Variants in TACC2 observed in about 807,000 individuals in gnomAD.
The protein encoded by TACC2 is transforming acidic coiled-coil-containing protein 2.
TACC2 carries 137 observed loss-of-function variants against 227.3 expected under a neutral mutation model. The observed-to-expected ratio is 0.60, with a 90% CI of 0.52 to 0.69. The LOEUF is 0.69. Ranked by LOEUF, TACC2 falls within the 30% of genes least tolerant of loss-of-function variation. The pLI is 0.00. For missense variants in TACC2, 3,470 were observed against 3,694.4 expected, an observed-to-expected ratio of 0.94 and a Z score of 1.57; for synonymous variants, 1,523 against 1,487.5, an observed-to-expected ratio of 1.02 and a Z score of -0.55.
At chr10:122,133,957 G>A (rs2088961296) in intron 6 of TACC2, among the ~76,000 whole-genome samples, 2 of 152,184 alleles carry the variant, frequency 1.3e-5, no homozygotes, top group South Asian at 4.1e-4. Context: ...CTGGGGGCTG[G>A]CCCGTGCTGA....
intron 7 of TACC2, among the ~76,000 whole-genome samples, chr10:122,158,381 C>T (rs1277300621): frequency 2.7e-5 from 4 of 150,800 alleles, no homozygotes; most frequent in African/African-American, 7.3e-5. Flanking sequence ...AGAGCGAGAG[C>T]GAGACTCCAT....
intron 7 of TACC2, among the ~76,000 whole-genome samples, chr10:122,146,229 G>T (rs1321249367): frequency 2.0e-5 from 3 of 151,990 alleles, no homozygotes; most frequent in Non-Finnish European, 2.9e-5. Context: ...AGATACAGAA[G>T]AGAATAGATA....
chr10:122,197,202 A>G (rs2094603045), intron 8 of TACC2, among the ~76,000 whole-genome samples: 1 of 152,198 alleles, frequency 6.6e-6, no homozygotes, highest in East Asian at 1.9e-4. Flanking sequence ...TGGAGGTTGC[A>G]GTGAGCCGAG....
chr10:122,179,692 A>G (rs1262187139), intron 7 of TACC2, among the ~76,000 whole-genome samples: 1 of 152,172 alleles, frequency 6.6e-6, no homozygotes, highest in African/African-American at 2.4e-5. Context: ...TGTAACCCCA[A>G]CACTTTAGGA....
At chr10:122,082,537 G>A (rs552012837) in intron 3 of TACC2, 110 bp from the exon 4 acceptor site, 2 of 1,209,204 alleles carry the variant, frequency 1.7e-6, no homozygotes, top group South Asian at 1.5e-5. Context: ...TGTGTCTGTG[G>A]TTAGGGCACT....
intron 9 of TACC2, among the ~76,000 whole-genome samples, chr10:122,212,758 T>A (rs1184527354): frequency 6.6e-6 from 1 of 152,220 alleles, no homozygotes; most frequent in Non-Finnish European, 1.5e-5. Context: ...GCAGGTTACC[T>A]TAGATCAACC....
chr10:122,204,232 G>A (rs983024653), intron 8 of TACC2, among the ~76,000 whole-genome samples: 2 of 151,916 alleles, frequency 1.3e-5, no homozygotes, highest in Admixed American at 6.6e-5. Context: ...GCCTTCTTTA[G>A]CTTTTAAAGA....
At chr10:122,088,077 T>C in intron 4 of TACC2, 118 bp downstream of exon 4, 3 of 1,118,568 alleles carry the variant, frequency 2.7e-6, no homozygotes, top group Non-Finnish European at 2.4e-6. Flanking sequence ...GAGTTTTCCA[T>C]ATCTAATTGC....
At chr10:122,203,843 G>A (rs1287302483) in intron 8 of TACC2, among the ~76,000 whole-genome samples, 1 of 152,040 alleles carries the variant, frequency 6.6e-6, no homozygotes, top group East Asian at 1.9e-4. Flanking sequence ...CCGAGATCAC[G>A]CCACTGCACT....
intron 1 of TACC2, among the ~76,000 whole-genome samples, chr10:122,013,027 C>A (rs1439013392): frequency 6.6e-6 from 1 of 152,124 alleles, no homozygotes; most frequent in East Asian, 1.9e-4. Context: ...CTTGCAGAGT[C>A]CCCCAACATC....
intron 8 of TACC2, among the ~76,000 whole-genome samples, chr10:122,201,946 C>T (rs573045399): frequency 1.3e-5 from 2 of 150,612 alleles, no homozygotes; most frequent in Admixed American, 1.3e-4. Context: ...ACTCTGCGCT[C>T]TTTGAAACTG....
intron 5 of TACC2, among the ~76,000 whole-genome samples, chr10:122,097,301 G>A (rs2081555883): frequency 6.6e-6 from 1 of 152,044 alleles, no homozygotes; most frequent in African/African-American, 2.4e-5. Context: ...TGTACTCCTG[G>A]GTACAGCCTG....
rs769355165 is a variant in TACC2 at position 122,211,195 on chromosome 10, C to T, written c.6770C>T (p.Pro2257Leu). 1.9e-6 allele frequency: 3 copies of T among 1,613,484 alleles called. No homozygotes were observed. In the Admixed American group the frequency reaches 5.0e-5, roughly 27 times the overall value. Residue 2257 changes from proline (P) to leucine (L), a missense_variant, in exon 9 of 23, where the codon CCA becomes CTA. Transcript: ENST00000369005. ...PSDSGGQEDSPAKGLSVRLEF... is the reference protein window; with the variant it reads ...PSDSGGQEDSLAKGLSVRLEF... ...GATAGCGGGGGGCAAGAGGACTCTCCAGCCAAAGGGCTCTCCGTAAGGCTG... is the reference window on the plus strand; with the variant it reads ...GATAGCGGGGGGCAAGAGGACTCTCTAGCCAAAGGGCTCTCCGTAAGGCTG...
At chr10:122,043,077 A>G (rs1352163563) in intron 2 of TACC2, among the ~76,000 whole-genome samples, 3 of 152,122 alleles carry the variant, frequency 2.0e-5, no homozygotes, top group Non-Finnish European at 2.9e-5. Context: ...TTATTGACGG[A>G]GAGAGAGAGG....
intron 7 of TACC2, among the ~76,000 whole-genome samples, chr10:122,176,825 G>C (rs984403722): frequency 6.6e-6 from 1 of 152,190 alleles, no homozygotes; most frequent in African/African-American, 2.4e-5. Flanking sequence ...GTATATGCCT[G>C]GGAGTCCCAC....
intron 2 of TACC2, among the ~76,000 whole-genome samples, chr10:122,028,976 C>CCTTCCCTTT (rs1225590824): frequency 1.6e-4 from 1 of 6,352 alleles, no homozygotes; most frequent in African/African-American, 1.3e-3. Flanking sequence ...CCCTTCCCTC[C>CCTTCCCTTT]CCTCCCCTCC....
At chr10:122,090,632 C>T (rs990454306) in intron 5 of TACC2, among the ~76,000 whole-genome samples, 3 of 150,674 alleles carry the variant, frequency 2.0e-5, no homozygotes, top group Admixed American at 6.6e-5. Flanking sequence ...ATTATTATTG[C>T]GTATTTTAGT....
intron 18 of TACC2, among the ~76,000 whole-genome samples, chr10:122,240,780 T>A (rs937827612): frequency 2.6e-5 from 4 of 152,200 alleles, no homozygotes; most frequent in Non-Finnish European, 4.4e-5. Flanking sequence ...TGATTCTTTT[T>A]GAGAAGTTTC....
Position 122,050,628 on chromosome 10 carries a change from C to A in TACC2, c.146+78C>A. 8.2e-7 allele frequency: 1 copy of A among 1,224,614 alleles called. No individual in the cohort carries two copies. Among genetic ancestry groups the A allele is most frequent in the Non-Finnish European group, 1.2e-6 (1 of 847,226 alleles). 75.9% of individuals were successfully genotyped at this position (1,224,614 alleles called of 1,614,324 possible). On this transcript the variant is annotated intron_variant, in intron 3 of 22. Coordinates refer to ENST00000369005, the MANE Select transcript of TACC2 (RefSeq NM_206862.4). The surrounding 1 kb of genome is among the most constrained non-coding windows in gnomAD (Gnocchi z 4.6). ...TGCCTGCTCCAGCATTAGCTTTGCC[C>A]CATTTGCTTTGGAAACTGGACCCTT...
Sources: gnomAD v4.1 joint callset for allele counts (sites outside exome capture counted in the v4.1 genomes callset) on GRCh38, gnomAD v4.1.1 for gene constraint, Gnocchi (gnomAD v3.1) non-coding constraint, MANE v1.5 for transcripts, NCBI Gene and HGNC (gene_info 2026-07-23, HGNC 2026-07-21) for gene names.